The following CTNNBL1 variants were observed in gnomAD, a reference collection of about 807,000 sequenced individuals.
CTNNBL1 encodes beta-catenin-like protein 1.
A neutral mutation model predicts 72.7 loss-of-function variants in CTNNBL1; 31 were observed. The ratio of observed to expected loss-of-function variants is 0.43; its 90% CI spans 0.32 to 0.58. The LOEUF is 0.58. CTNNBL1 is among the 20% of genes least tolerant of loss of function. The pLI is 0.08. For missense variants in CTNNBL1, 534 were observed against 725.1 expected (o/e 0.74, Z 3.03); for synonymous variants, 240 against 267.3 (o/e 0.90, Z 1.00).
At chr20:37,816,250 G>A (rs972729018) in intron 11 of CTNNBL1, among the ~76,000 whole-genome samples, 8 of 152,210 alleles carry the variant, frequency 5.3e-5, no homozygotes, top group African/African-American at 1.9e-4. Context: ...ATTAAAGGAT[G>A]TGTGTGTTAG....
chr20:37,857,651 T>C (rs1472717949), intron 13 of CTNNBL1, among the ~76,000 whole-genome samples: 2 of 151,516 alleles, frequency 1.3e-5, no homozygotes, highest in African/African-American at 4.9e-5. Context: ...TCGGTGGAGA[T>C]TGATGACCAT....
intron 6 of CTNNBL1, among the ~76,000 whole-genome samples, chr20:37,765,953 T>C (rs997335642): frequency 3.3e-5 from 5 of 152,226 alleles, no homozygotes; most frequent in Admixed American, 2.0e-4. Context: ...TCTTTATTAC[T>C]GGTCACTGTC....
chr20:37,845,774 C>T (rs2072342139), intron 13 of CTNNBL1, among the ~76,000 whole-genome samples: 1 of 152,018 alleles, frequency 6.6e-6, no homozygotes, highest in Non-Finnish European at 1.5e-5. Context: ...AAATATTTGT[C>T]GACTTGAATT....
chr20:37,856,462 C>T (rs2072442028), intron 13 of CTNNBL1, among the ~76,000 whole-genome samples: 1 of 151,958 alleles, frequency 6.6e-6, no homozygotes, highest in Admixed American at 6.5e-5. Flanking sequence ...ACGTTGTAGA[C>T]TTTCAATATA....
intron 15 of CTNNBL1, among the ~76,000 whole-genome samples, chr20:37,864,794 C>G (rs2072523268): frequency 6.7e-6 from 1 of 150,200 alleles, no homozygotes; most frequent in African/African-American, 2.5e-5. Flanking sequence ...TCAGTTACTG[C>G]TGACTGGGGT....
intron 15 of CTNNBL1, among the ~76,000 whole-genome samples, chr20:37,861,341 C>T (rs1482799610): frequency 6.6e-6 from 1 of 152,196 alleles, no homozygotes; most frequent in African/African-American, 2.4e-5. Context: ...CAAGGCGGGG[C>T]CCCTGTTCTG....
chr20:37,809,030 C>T (rs924923881), intron 11 of CTNNBL1, among the ~76,000 whole-genome samples: 1 of 147,924 alleles, frequency 6.8e-6, no homozygotes, highest in Non-Finnish European at 1.5e-5. Flanking sequence ...TCTCTGCCCT[C>T]ATCATCTCTC....
chr20:37,720,651 G>A (rs574410501), intron 1 of CTNNBL1, among the ~76,000 whole-genome samples: 1 of 152,336 alleles, frequency 6.6e-6, no homozygotes, highest in African/African-American at 2.4e-5. Context: ...GTTGACAGCA[G>A]CATGACATAT....
intron 4 of CTNNBL1, among the ~76,000 whole-genome samples, chr20:37,753,649 T>C (rs938568927): frequency 1.3e-5 from 2 of 152,194 alleles, no homozygotes; most frequent in African/African-American, 4.8e-5. Flanking sequence ...ATGAAGGCAA[T>C]AGTGAGCGCT....
Position 37,737,503 on chromosome 20 carries a change from G to GGTATCAGTGGA in CTNNBL1, c.326+19_326+20insGTATCAGTGGA. 1 of 1,512,892 alleles carries GGTATCAGTGGA rather than the reference G, an allele frequency of 6.6e-7. No homozygotes were observed. The highest frequency in any genetic ancestry group is 9.1e-7 in the Non-Finnish European group (1 of 1,094,290). 93.7% of individuals were successfully genotyped at this position (1,512,892 alleles called of 1,614,324 possible). On this transcript the variant is annotated intron_variant, in intron 3 of 15. Transcript: ENST00000361383. ...CAGAGAAGTAAGGTTCTGTTCCACT[G>GGTATCAGTGGA]ATACCATGTCTCCTCTGTGGCGTTT...
At chr20:37,803,611 G>T (rs1041573411) in intron 11 of CTNNBL1, among the ~76,000 whole-genome samples, 1 of 152,306 alleles carries the variant, frequency 6.6e-6, no homozygotes, top group East Asian at 1.9e-4. Context: ...GTGGCCTGCT[G>T]CAGCCCTCTC....
intron 11 of CTNNBL1, among the ~76,000 whole-genome samples, chr20:37,820,403 C>G (rs1600508451): frequency 6.6e-6 from 1 of 152,178 alleles, no homozygotes; most frequent in Admixed American, 6.5e-5. Flanking sequence ...ATAACGACAA[C>G]CTTCTTCTCC....
At chr20:37,736,100 G>C (rs895623894) in intron 2 of CTNNBL1, among the ~76,000 whole-genome samples, 1 of 152,146 alleles carries the variant, frequency 6.6e-6, no homozygotes, top group African/African-American at 2.4e-5. Context: ...AGAAAATTCT[G>C]TACAGTCTAC....
intron 13 of CTNNBL1, among the ~76,000 whole-genome samples, chr20:37,856,517 C>T (rs544767262): frequency 2.0e-5 from 3 of 152,060 alleles, no homozygotes; most frequent in East Asian, 1.9e-4. Context: ...ATGAGCAAGG[C>T]GAGGAGACCA....
intron 11 of CTNNBL1, among the ~76,000 whole-genome samples, chr20:37,834,503 TA>T: frequency 6.6e-6 from 1 of 152,368 alleles, no homozygotes; most frequent in African/African-American, 2.4e-5. Flanking sequence ...TTAAAACTGT[TA>T]ATTTTTTAAT....
rs554948868 is a variant in CTNNBL1, at chr20:37,794,884, C to T, written c.1032-7983C>T. Among the ~76,000 whole-genome samples the T allele has an allele frequency of 1.5e-4, 23 of 151,910 alleles. No homozygotes were observed. In the South Asian group the frequency reaches 4.8e-3, roughly 32 times the overall value. On this transcript the variant is annotated intron_variant, in intron 10 of 15. Transcript: ENST00000361383. ...TTCTGGGAGTTTTTTTGTTTTTTTC[C>T]TTTCGGTACTCTTAGTTGCTCCACT...
At chr20:37,867,888 G>A (rs557787043) in intron 15 of CTNNBL1, among the ~76,000 whole-genome samples, 75 of 152,278 alleles carry the variant, frequency 4.9e-4, no homozygotes, top group African/African-American at 1.6e-3. Context: ...CAAAGGGTGA[G>A]GTTGAGGTGC....
rs777275446 is a variant in CTNNBL1 at position 37,747,488 on chromosome 20, G to T, written c.466+881G>T. Among the ~76,000 whole-genome samples the T allele has an allele frequency of 9.6e-4, 145 of 151,504 alleles. 1 individual carries two copies. Among genetic ancestry groups the T allele is most frequent in the Non-Finnish European group, 3.2e-4 (22 of 67,928 alleles). The stretch of plus-strand genomic sequence containing the variant: ...GACAATCTAGGTTTGACTCTCAACC[G>T]CATTTTTGTGTGAAAGACGGTGCCC... On this transcript the variant is annotated intron_variant, in intron 4 of 15. Transcript: ENST00000361383.
At chr20:37,833,175 C>A (rs2072226156) in intron 11 of CTNNBL1, among the ~76,000 whole-genome samples, 1 of 152,140 alleles carries the variant, frequency 6.6e-6, no homozygotes. Context: ...ACTCAGAACC[C>A]CAGAATCAGA....
Sources: allele counts gnomAD v4.1 joint callset (sites outside exome capture counted in the v4.1 genomes callset), GRCh38; gene constraint gnomAD v4.1.1; transcripts MANE v1.5; gene names NCBI Gene and HGNC (gene_info 2026-07-23, HGNC 2026-07-21).